Variants in EBF4 observed in about 807,000 individuals in gnomAD.
EBF4 encodes the protein transcription factor COE4.
Under a neutral mutation model 67.1 loss-of-function variants are expected in EBF4, and 34 were observed. The observed-to-expected ratio is 0.51, with a 90% confidence interval of 0.39 to 0.67. EBF4 has a LOEUF of 0.67. Ranked by LOEUF, EBF4 falls within the 30% of genes least tolerant of loss-of-function variation. The pLI is 0.00. For synonymous variants in EBF4, 387 were observed against 377.7 expected, an observed-to-expected ratio of 1.02 and a Z score of -0.29; for missense variants, 837 against 873.3, an observed-to-expected ratio of 0.96 and a Z score of 0.52.
At chr20:2,709,477 G>A (rs1162665618) in intron 5 of EBF4, 97 bp from the exon 6 acceptor site, 17 of 1,177,738 alleles carry the variant, frequency 1.4e-5, no homozygotes, top group Non-Finnish European at 1.9e-5. Context: ...CAGGACATCA[G>A]CACCCTCAGC....
intron 6 of EBF4, among the ~76,000 whole-genome samples, chr20:2,714,276 C>CTCCTTCCT (rs752211201): frequency 6.6e-6 from 1 of 151,300 alleles, no homozygotes; most frequent in African/African-American, 2.4e-5. Flanking sequence ...TTTTTCTTTT[C>CTCCTTCCT]TCCTTCCTTC....
intron 1 of EBF4, among the ~76,000 whole-genome samples, chr20:2,700,232 A>T (rs1568565415): frequency 6.6e-6 from 1 of 151,962 alleles, no homozygotes; most frequent in Non-Finnish European, 1.5e-5. Context: ...CTGCTTTCTC[A>T]TCTTTGTCTC....
exon 2 of EBF4, chr20:2,705,602 T>A: frequency 6.4e-7 from 1 of 1,552,594 alleles, no homozygotes; most frequent in Non-Finnish European, 8.7e-7. Context: ...ACGAGCACAT[T>A]TTGAGAAGCA....
At chr20:2,749,949 T>C in exon 10 of EBF4, 2 of 1,550,380 alleles carry the variant, frequency 1.3e-6, no homozygotes, top group Non-Finnish European at 1.7e-6. Context: ...TTGCAAGGGA[T>C]GCCCCGGCCG....
chr20:2,755,738 A>G lies in EBF4; in HGVS notation c.1652A>G (p.Lys551Arg), dbSNP rs1600249026. The G allele has an allele frequency of 5.2e-6, 8 of 1,550,936 alleles. No homozygotes were observed. Among genetic ancestry groups the G allele is most frequent in the South Asian group, 1.2e-5 (1 of 84,048 alleles). ...CCTGTCAACATGATCTCCGCCGTCA[A>G]ACAGAGGAGCGCCTTCGCCCCCGTG... The change falls in exon 15 of 17, where the codon AAA becomes AGA. Residue 551 changes from lysine to arginine, a missense_variant. By Grantham distance (26) the Lys-to-Arg change is conservative. Coordinates refer to ENST00000609451, the Ensembl canonical transcript of EBF4. The surrounding 1 kb of genome is among the most constrained non-coding windows in gnomAD (Gnocchi z 4.7).
At chr20:2,721,450 T>A (rs1005229600) in intron 6 of EBF4, among the ~76,000 whole-genome samples, 7 of 152,076 alleles carry the variant, frequency 4.6e-5, no homozygotes, top group African/African-American at 1.7e-4. Flanking sequence ...TATATCTTCC[T>A]TGTCTCTAAG....
chr20:2,705,487 C>G, intron 1 of EBF4, 90 bp from the exon 2 acceptor site: 1 of 1,529,604 alleles, frequency 6.5e-7, no homozygotes, highest in Admixed American at 2.0e-5. Flanking sequence ...GGAGCCATGT[C>G]CTGGCTAGCA....
At chr20:2,752,138 C>G (rs1483782341) in exon 13 of EBF4, 9 of 1,449,496 alleles carry the variant, frequency 6.2e-6, no homozygotes, top group Admixed American at 5.2e-5. Context: ...TACAGCACCC[C>G]CCGCGCACCC....
intron 6 of EBF4, among the ~76,000 whole-genome samples, chr20:2,720,457 T>G (rs2087665932): frequency 6.6e-6 from 1 of 152,050 alleles, no homozygotes; most frequent in East Asian, 1.9e-4. Context: ...ATGACTTGGG[T>G]TTTTCAGATT....
intron 6 of EBF4, among the ~76,000 whole-genome samples, chr20:2,737,929 C>T (rs1415976272): frequency 2.7e-5 from 4 of 150,510 alleles, no homozygotes; most frequent in Non-Finnish European, 5.9e-5. Context: ...CGCGCCATTG[C>T]ACTCCAGCCT....
In EBF4 at chr20:2,739,192, C is replaced by T. The variant is rs1414002348; in HGVS notation, c.558-9357C>T. Reference sequence around the variant, plus strand: ...TGTTTCTGCCTGAAGGGAGACATCCCCTGTAGCCTTCCCATCACCCAGAGG... The same window carrying T: ...TGTTTCTGCCTGAAGGGAGACATCCTCTGTAGCCTTCCCATCACCCAGAGG... On this transcript the variant is annotated intron_variant, in intron 6 of 16. Coordinates refer to ENST00000609451, the Ensembl canonical transcript of EBF4. The surrounding 1 kb of genome is among the most constrained non-coding windows in gnomAD (Gnocchi z 4.5). 6.6e-6 allele frequency among the ~76,000 whole-genome samples: 1 copy of T among 152,178 alleles called. No homozygotes were observed. The highest frequency in any genetic ancestry group is 2.4e-5 in the African/African-American group (1 of 41,418).
chr20:2,721,829 A>T (rs181950758), intron 6 of EBF4, among the ~76,000 whole-genome samples: 10 of 152,284 alleles, frequency 6.6e-5, no homozygotes, highest in Non-Finnish European at 1.0e-4. Context: ...GCTGATTCTA[A>T]CATCTGTGTC....
chr20:2,716,386 G>T (rs915962576), intron 6 of EBF4, among the ~76,000 whole-genome samples: 3 of 151,784 alleles, frequency 2.0e-5, no homozygotes, highest in Non-Finnish European at 4.4e-5. Context: ...AAAATCAGCC[G>T]GGTGTGGTGG....
chr20:2,713,078 C>T (rs2087564149), intron 6 of EBF4, among the ~76,000 whole-genome samples: 1 of 152,118 alleles, frequency 6.6e-6, no homozygotes, highest in Non-Finnish European at 1.5e-5. Flanking sequence ...TCAAAGGAAT[C>T]AGATGATGTC....
Position 2,693,922 on chromosome 20 carries a change from G to A in EBF4, c.137+140G>A. The stretch of plus-strand genomic sequence containing the variant: ...CCCGGCGAGCTCCCCGGCCCACCCC[G>A]TCCGGAGTGCCTGTGCTGCCTCCTG... On this transcript the variant is annotated intron_variant, in intron 1 of 16. Transcript: ENST00000609451. This position sits in a 1 kb window ranked among gnomAD's most constrained non-coding sequence, Gnocchi z 4.6. 1.8e-6 allele frequency: 2 copies of A among 1,137,230 alleles called. No individual in the cohort carries two copies. The highest frequency in any genetic ancestry group is 2.2e-6 in the Non-Finnish European group (2 of 899,816). 70.4% of individuals were successfully genotyped at this position (1,137,230 alleles called of 1,614,324 possible).
At chr20:2,757,902 G>GCA (rs2088269949) in intron 15 of EBF4, among the ~76,000 whole-genome samples, 1 of 152,204 alleles carries the variant, frequency 6.6e-6, no homozygotes, top group African/African-American at 2.4e-5. Context: ...AGCTGAGATT[G>GCA]CACCATTGCA....
rs902921430 is a variant in EBF4 at position 2,696,887 on chromosome 20, A to C, written c.137+3105A>C. Among the ~76,000 whole-genome samples the C allele has an allele frequency of 6.6e-6, 1 of 152,088 alleles. No homozygotes were observed. The highest frequency in any genetic ancestry group is 2.4e-5 in the African/African-American group (1 of 41,404). ...CTGTCCCGGTCCTCCTTGCCCTGCCAGCTGGGGCCTTCCCCTAAGGCAAGG... is the reference window on the plus strand; with the variant it reads ...CTGTCCCGGTCCTCCTTGCCCTGCCCGCTGGGGCCTTCCCCTAAGGCAAGG... On this transcript the variant is annotated intron_variant, in intron 1 of 16. Coordinates refer to ENST00000609451, the Ensembl canonical transcript of EBF4. The surrounding 1 kb of genome is among the most constrained non-coding windows in gnomAD (Gnocchi z 4.7).
At chr20:2,695,124 T>G (rs2087269051) in intron 1 of EBF4, among the ~76,000 whole-genome samples, 1 of 149,774 alleles carries the variant, frequency 6.7e-6, no homozygotes, top group Admixed American at 6.7e-5. Flanking sequence ...GGTTCTGGCT[T>G]TTTTTTTTTT....
intron 7 of EBF4, 57 bp from the exon 8 acceptor site, chr20:2,749,344 T>C (rs1600241369): frequency 7.4e-7 from 1 of 1,359,140 alleles, no homozygotes. Context: ...CCCACCACAT[T>C]CCCCTCCCGG....
Sources: gnomAD v4.1 joint callset for allele counts (sites outside exome capture counted in the v4.1 genomes callset) on GRCh38, gnomAD v4.1.1 for gene constraint, Gnocchi (gnomAD v3.1) non-coding constraint, MANE v1.5 for transcripts, NCBI Gene and HGNC (gene_info 2026-07-23, HGNC 2026-07-21) for gene names.